Variants in ATXN10 observed in about 807,000 individuals in gnomAD.
ATXN10 encodes the protein ataxin-10.
A neutral mutation model predicts 52.9 loss-of-function variants in ATXN10; 28 were observed. The ratio of observed to expected loss-of-function variants is 0.53; its 90% CI spans 0.39 to 0.73. The LOEUF (loss-of-function observed/expected upper bound fraction) is 0.73. Among genes scored for constraint, ATXN10 ranks in the 30% least tolerant of loss-of-function variants. ATXN10 has a pLI of 0.00. For missense variants in ATXN10, 565 were observed against 577.0 expected, an observed-to-expected ratio of 0.98 and a Z score of 0.21; for synonymous variants, 226 against 221.5, an observed-to-expected ratio of 1.02 and a Z score of -0.18.
In ATXN10 at chr22:45,843,930, C is replaced by G; in HGVS notation, c.*259C>G. Reference sequence around the variant, plus strand: ...ACGTGCATTTAAAGAATATATTGTACTTACTGTGACAGCAGATAATAAACC... The same window carrying G: ...ACGTGCATTTAAAGAATATATTGTAGTTACTGTGACAGCAGATAATAAACC... On this transcript the variant is annotated 3_prime_UTR_variant, in exon 12 of 12. Transcript: ENST00000252934. The surrounding 1 kb of genome is among the most constrained non-coding windows in gnomAD (Gnocchi z 4.5). 1.9e-6 allele frequency: 1 copy of G among 525,376 alleles called. No individual in the cohort carries two copies. The highest frequency in any genetic ancestry group is 3.4e-6 in the Non-Finnish European group (1 of 294,260). The allele number at this position is 525,376 out of a possible 1,614,324, so 32.5% of individuals were successfully genotyped here.
rs1055697056 is a variant in ATXN10, at chr22:45,840,749, G to A, written c.1238-2242G>A. 1.3e-5 allele frequency among the ~76,000 whole-genome samples: 2 copies of A among 152,206 alleles called. No individual in the cohort carries two copies. The highest frequency in any genetic ancestry group is 4.8e-5 in the African/African-American group (2 of 41,458). ...GCCAACCACCCCTCTGATCTCAGGA[G>A]CTCTGAATGCATTATTGGGAATTTC... On this transcript the variant is annotated intron_variant, in intron 10 of 11. Coordinates refer to ENST00000252934, the MANE Select transcript of ATXN10 (RefSeq NM_013236.4). The surrounding 1 kb of genome is among the most constrained non-coding windows in gnomAD (Gnocchi z 5.8).
intron 10 of ATXN10, among the ~76,000 whole-genome samples, chr22:45,817,539 G>T (rs1928506565): frequency 6.6e-6 from 1 of 151,910 alleles, no homozygotes; most frequent in South Asian, 2.1e-4. Context: ...TGGCCAGACT[G>T]GTCTTGAACT....
Position 45,721,775 on chromosome 22 carries a change from T to C in ATXN10, c.728+3282T>C, listed in dbSNP as rs73886498. ...GGTATTATTCTTGACATTTTCCAAA[T>C]TGGAGTTCTGAGGCCTGTAGTTCCA... On this transcript the variant is annotated intron_variant, in intron 6 of 11. Transcript: ENST00000252934. Among the ~76,000 whole-genome samples, 450 of 152,250 alleles carry C rather than the reference T, an allele frequency of 3.0e-3. 4 individuals carry two copies. Among genetic ancestry groups the C allele is most frequent in the African/African-American group, 0.01 (429 of 41,566 alleles).
chr22:45,800,669 G>A (rs1006621667), intron 9 of ATXN10, among the ~76,000 whole-genome samples: 3 of 152,146 alleles, frequency 2.0e-5, no homozygotes, highest in African/African-American at 7.2e-5. Flanking sequence ...CATTCATTGC[G>A]GATAAAACTG....
chr22:45,685,773 A>ATATT (rs1252119260), intron 1 of ATXN10, among the ~76,000 whole-genome samples: 3 of 149,614 alleles, frequency 2.0e-5, no homozygotes, highest in African/African-American at 7.7e-5. Context: ...AGTTGTTGAC[A>ATATT]TATTATATTG....
At chr22:45,838,724 G>A (rs73441946) in intron 10 of ATXN10, among the ~76,000 whole-genome samples, 1,910 of 152,310 alleles carry the variant, frequency 0.013, 48 homozygotes, top group African/African-American at 0.044. Context: ...GGAGTGGCAT[G>A]CATATTCATG....
chr22:45,813,859 G>A (rs1266455250), intron 10 of ATXN10, among the ~76,000 whole-genome samples: 3 of 152,208 alleles, frequency 2.0e-5, no homozygotes, highest in Non-Finnish European at 2.9e-5. Flanking sequence ...TGATTGCACT[G>A]TGGGTCAGTG....
chr22:45,723,503 T>A (rs185496088), intron 6 of ATXN10, among the ~76,000 whole-genome samples: 3 of 152,268 alleles, frequency 2.0e-5, no homozygotes, highest in Non-Finnish European at 4.4e-5. Flanking sequence ...ACCTGATATG[T>A]AGTTTTTATT....
chr22:45,697,987 C>T lies in ATXN10; in HGVS notation c.392-2295C>T, dbSNP rs1008549751. Among the ~76,000 whole-genome samples the T allele has an allele frequency of 1.1e-4, 17 of 152,248 alleles. 1 individual carries two copies. The highest frequency in any genetic ancestry group is 1.0e-3 in the Admixed American group (16 of 15,288). On this transcript the variant is annotated intron_variant, in intron 3 of 11. Coordinates refer to ENST00000252934, the MANE Select transcript of ATXN10 (RefSeq NM_013236.4). ...TGTAGTGTGTATCATTACTTCGTTC[C>T]TCTTTATGGTGGAATAATACTCCGT...
chr22:45,809,141 C>G (rs1387762146), intron 10 of ATXN10, among the ~76,000 whole-genome samples: 2 of 152,138 alleles, frequency 1.3e-5, no homozygotes, highest in African/African-American at 4.8e-5. Flanking sequence ...TAGATCTGAG[C>G]TATAAATTAA....
chr22:45,695,168 C>A (rs1013792096), intron 3 of ATXN10, among the ~76,000 whole-genome samples: 1 of 148,460 alleles, frequency 6.7e-6, no homozygotes, highest in Admixed American at 6.7e-5. Flanking sequence ...AGTAAAAATA[C>A]AAAAAATTAG....
chr22:45,738,393 G>A, intron 7 of ATXN10: 1 of 232,230 alleles, frequency 4.3e-6, no homozygotes. Context: ...TTGCATAAAT[G>A]TCATGTACAT....
At position 45,806,412 on chromosome 22, in the gene ATXN10, A is replaced by G. The variant is rs548617484; in HGVS notation, c.1174-547A>G. 2.0e-5 allele frequency among the ~76,000 whole-genome samples: 3 copies of G among 152,296 alleles called. No homozygotes were observed. In the South Asian group the frequency reaches 6.2e-4, roughly 32 times the overall value. ...TATTGTTGGTGGTGTTTAAATTTTT[A>G]CAAGTTCTTTATATATTAAAATATT... is the stretch of plus-strand genomic sequence containing the variant. On this transcript the variant is annotated intron_variant, in intron 9 of 11. Coordinates refer to ENST00000252934, the MANE Select transcript of ATXN10 (RefSeq NM_013236.4).
intron 10 of ATXN10, among the ~76,000 whole-genome samples, chr22:45,827,754 A>G (rs1053389467): frequency 6.6e-5 from 10 of 152,236 alleles, no homozygotes; most frequent in African/African-American, 2.4e-4. Context: ...AAGGAAACAG[A>G]GGACTTAATA....
At position 45,772,478 on chromosome 22, in the gene ATXN10, A is replaced by G. The variant is rs1169015804; in HGVS notation, c.1173+31940A>G. Among the ~76,000 whole-genome samples the G allele has an allele frequency of 2.0e-5, 3 of 152,096 alleles. No individual in the cohort carries two copies. The highest frequency in any genetic ancestry group is 7.2e-5 in the African/African-American group (3 of 41,424). ...TACAACATTGTCTTTATTACTGTCAATTTACAGTAAATCTTAAAATTGGGT... is the reference window on the plus strand; with the variant it reads ...TACAACATTGTCTTTATTACTGTCAGTTTACAGTAAATCTTAAAATTGGGT... On this transcript the variant is annotated intron_variant, in intron 9 of 11. Coordinates refer to ENST00000252934, the MANE Select transcript of ATXN10 (RefSeq NM_013236.4). This position sits in a 1 kb window ranked among gnomAD's most constrained non-coding sequence, Gnocchi z 4.1.
rs1049705257 is a variant in ATXN10, at chr22:45,754,417, A to G, written c.1173+13879A>G. On this transcript the variant is annotated intron_variant, in intron 9 of 11. Transcript: ENST00000252934. The surrounding 1 kb of genome is among the most constrained non-coding windows in gnomAD (Gnocchi z 5.4). ...ATGACAGCAGTCACAGTGACCTTCCATGAATGCCTCCTGCATGTGCTTGAG... is the reference window on the plus strand; with the variant it reads ...ATGACAGCAGTCACAGTGACCTTCCGTGAATGCCTCCTGCATGTGCTTGAG... 3.9e-5 allele frequency among the ~76,000 whole-genome samples: 6 copies of G among 152,172 alleles called. No homozygotes were observed. Among genetic ancestry groups the G allele is most frequent in the Non-Finnish European group, 7.3e-5 (5 of 68,032 alleles).
rs71190680 is a variant in ATXN10, at chr22:45,753,377, CTTTTTTTTTTTTTTTTTTTTTTTTTT to C, written c.1173+12862_1173+12887del. ...AGAGGGTCCACTCACCTCTTACCAG[CTTTTTTTTTTTTTTTTTTTTTTTTTT>C]TTTTTTTTTTTTTTTTTTTTTTGAG... On this transcript the variant is annotated intron_variant, in intron 9 of 11. Transcript: ENST00000252934. 1.6e-4 allele frequency among the ~76,000 whole-genome samples: 9 copies of C among 57,870 alleles called. No individual in the cohort carries two copies. In the East Asian group the frequency reaches 3.0e-3, roughly 20 times the overall value. 38.0% of individuals were successfully genotyped at this position (57,870 alleles called of 152,430 possible).
intron 7 of ATXN10, among the ~76,000 whole-genome samples, chr22:45,737,846 C>A (rs2146799623): frequency 6.6e-6 from 1 of 151,926 alleles, no homozygotes; most frequent in Non-Finnish European, 1.5e-5. Context: ...TTACAGGCAC[C>A]CACCACCAAG....
chr22:45,729,303 A>G (rs905302960), intron 6 of ATXN10, 122 bp from the exon 7 acceptor site: 6 of 994,110 alleles, frequency 6.0e-6, no homozygotes, highest in East Asian at 5.1e-5. Context: ...CTAGCTAGAC[A>G]TTAGAAGCAA....
Sources: gnomAD v4.1 joint callset for allele counts (sites outside exome capture counted in the v4.1 genomes callset) on GRCh38, gnomAD v4.1.1 for gene constraint, Gnocchi (gnomAD v3.1) non-coding constraint, MANE v1.5 for transcripts, NCBI Gene and HGNC (gene_info 2026-07-23, HGNC 2026-07-21) for gene names.